The following DCUN1D2 variants were observed in gnomAD, a reference collection of about 807,000 sequenced individuals.
The protein encoded by DCUN1D2 is DCN1-like protein 2.
A neutral mutation model predicts 30.9 loss-of-function variants in DCUN1D2; 29 were observed. The ratio of observed to expected loss-of-function variants is 0.94; its 90% confidence interval spans 0.70 to 1.28. DCUN1D2 has a LOEUF of 1.28. Ranked by LOEUF, DCUN1D2 falls within the 50% of genes most tolerant of loss-of-function variation. DCUN1D2 has a pLI of 0.00. For missense variants in DCUN1D2, 325 were observed against 316.9 expected, an observed-to-expected ratio of 1.03 and a Z score of -0.19; for synonymous variants, 121 against 115.3, an observed-to-expected ratio of 1.05 and a Z score of -0.32.
chr13:113,478,801 A>T (rs2044659501), intron 3 of DCUN1D2: 1 of 152,148 alleles, frequency 6.6e-6, no homozygotes, highest in Non-Finnish European at 1.5e-5. Flanking sequence ...CATACTCTGT[A>T]TCATTTCAAA....
intron 4 of DCUN1D2, among the ~76,000 whole-genome samples, chr13:113,467,354 C>CATAT (rs2044423338): frequency 6.6e-6 from 1 of 152,140 alleles, no homozygotes; most frequent in Non-Finnish European, 1.5e-5. Flanking sequence ...CTATAATGTG[C>CATAT]ATATTGGAGG....
chr13:113,466,801 A>ATTTTTTTTTTTTTTTTTTTTTTTTTT (rs112063279), intron 4 of DCUN1D2, among the ~76,000 whole-genome samples: 1 of 109,798 alleles, frequency 9.1e-6, no homozygotes, highest in Non-Finnish European at 1.8e-5. Flanking sequence ...TGTCCTTTGG[A>ATTTTTTTTTTTTTTTTTTTTTTTTTT]TTTTTTTTTT....
At chr13:113,465,849 A>G (rs2044393694) in intron 4 of DCUN1D2, among the ~76,000 whole-genome samples, 1 of 149,374 alleles carries the variant, frequency 6.7e-6, no homozygotes, top group Non-Finnish European at 1.5e-5. Flanking sequence ...GTATGTATGT[A>G]TGTGTGTGTA....
intron 3 of DCUN1D2, chr13:113,475,368 A>G (rs1390833849): frequency 2.0e-5 from 3 of 152,258 alleles, no homozygotes; most frequent in Non-Finnish European, 2.9e-5. Context: ...TGCCTACAGA[A>G]CTGAGGACAG....
chr13:113,486,725 G>A (rs893583349), intron 1 of DCUN1D2, among the ~76,000 whole-genome samples: 9 of 152,192 alleles, frequency 5.9e-5, no homozygotes, highest in African/African-American at 2.2e-4. Flanking sequence ...TAAAATTTCA[G>A]GGGTTTCACA....
In DCUN1D2 at chr13:113,490,454, C is replaced by G; in HGVS notation, c.3+213G>C. The G allele has an allele frequency of 2.3e-6, 1 of 437,540 alleles. No homozygotes were observed. The highest frequency in any genetic ancestry group is 3.8e-6 in the Non-Finnish European group (1 of 266,314). 27.1% of individuals were successfully genotyped at this position (437,540 alleles called of 1,614,324 possible). A position where few individuals can be genotyped will look rare whatever the true frequency, so the allele number is the denominator to read the frequency against. On this transcript the variant is annotated intron_variant, in intron 1 of 6. Transcript: ENST00000478244. This position sits in a 1 kb window ranked among gnomAD's most constrained non-coding sequence, Gnocchi z 5.2. Reference sequence around the variant, plus strand: ...TCACTCCCGGTCGTCCCTCGCGGCTCCGGGTCAAACCCGCGCTCCCCGCGG... The same window carrying G: ...TCACTCCCGGTCGTCCCTCGCGGCTGCGGGTCAAACCCGCGCTCCCCGCGG...
Position 113,455,864 on chromosome 13 carries a change from C to T in DCUN1D2, c.*2165G>A. 1 of 191,294 alleles carries T rather than the reference C, an allele frequency of 5.2e-6. No homozygotes were observed. 11.8% of individuals were successfully genotyped at this position (191,294 alleles called of 1,614,324 possible). A position where few individuals can be genotyped will look rare whatever the true frequency, so the allele number is the denominator to read the frequency against. On this transcript the variant is annotated 3_prime_UTR_variant, in exon 7 of 7. Transcript: ENST00000478244. ...TGCTTCTGTTCTCAGCATTTCACAG[C>T]ATGCAGGACTCAAATGGATACAACA... is the stretch of plus-strand genomic sequence containing the variant.
chr13:113,457,960 AG>A lies in DCUN1D2; in HGVS notation c.*68del, dbSNP rs2044252454. The A allele has an allele frequency of 7.0e-7, 1 of 1,420,616 alleles. No homozygotes were observed. The highest frequency in any genetic ancestry group is 9.9e-7 in the Non-Finnish European group (1 of 1,005,210). The allele number at this position is 1,420,616 out of a possible 1,614,324, so 88.0% of individuals were successfully genotyped here. A position where few individuals can be genotyped will look rare whatever the true frequency, so the allele number is the denominator to read the frequency against. ...TTCTGGAATCAGCGACAATGCACCC[AG>A]GAACTGACTGCAATCTCCTTGCAGG... On this transcript the variant is annotated 3_prime_UTR_variant, in exon 7 of 7. Transcript: ENST00000478244.
In DCUN1D2 at chr13:113,457,967, G is replaced by T. The variant is rs748598514; in HGVS notation, c.*62C>A. 3.9e-5 allele frequency: 57 copies of T among 1,467,052 alleles called. No individual in the cohort carries two copies. The highest frequency in any genetic ancestry group is 6.7e-5 in the Admixed American group (4 of 59,754). The allele number at this position is 1,467,052 out of a possible 1,614,324, so 90.9% of individuals were successfully genotyped here. On this transcript the variant is annotated 3_prime_UTR_variant, in exon 7 of 7. Coordinates refer to ENST00000478244, the MANE Select transcript of DCUN1D2 (RefSeq NM_001014283.2). Reference sequence around the variant, plus strand: ...ATCAGCGACAATGCACCCAGGAACTGACTGCAATCTCCTTGCAGGATACAA... The same window carrying T: ...ATCAGCGACAATGCACCCAGGAACTTACTGCAATCTCCTTGCAGGATACAA...
chr13:113,463,355 T>A (rs373271871), intron 4 of DCUN1D2, among the ~76,000 whole-genome samples: 36 of 152,122 alleles, frequency 2.4e-4, no homozygotes, highest in African/African-American at 7.5e-4. Context: ...AGGGCAGACA[T>A]AAAAATTAGC....
intron 3 of DCUN1D2, among the ~76,000 whole-genome samples, chr13:113,477,869 T>C (rs1447904948): frequency 1.3e-5 from 2 of 152,212 alleles, no homozygotes; most frequent in Admixed American, 6.5e-5. Context: ...AACTCTGTCA[T>C]GATGTATCAT....
At chr13:113,481,188 G>A (rs2044701912) in intron 2 of DCUN1D2, among the ~76,000 whole-genome samples, 1 of 152,132 alleles carries the variant, frequency 6.6e-6, no homozygotes. Context: ...TTTTTCTTAA[G>A]TGATTTCATT....
chr13:113,466,539 G>C (rs2044405362), intron 4 of DCUN1D2, among the ~76,000 whole-genome samples: 1 of 152,224 alleles, frequency 6.6e-6, no homozygotes, highest in East Asian at 1.9e-4. Flanking sequence ...TAAATCTTCA[G>C]TGCCTTTAGA....
intron 4 of DCUN1D2, among the ~76,000 whole-genome samples, chr13:113,471,678 A>T (rs2044518130): frequency 6.6e-6 from 1 of 152,256 alleles, no homozygotes; most frequent in African/African-American, 2.4e-5. Context: ...GCAACTTATA[A>T]GACCAAGAAG....
Position 113,490,477 on chromosome 13 carries a change from CG to C in DCUN1D2, c.3+189del. 1 of 553,480 alleles carries C rather than the reference CG, an allele frequency of 1.8e-6. No individual in the cohort carries two copies. Among genetic ancestry groups the C allele is most frequent in the Non-Finnish European group, 2.7e-6 (1 of 370,700 alleles). 34.3% of individuals were successfully genotyped at this position (553,480 alleles called of 1,614,324 possible). A position where few individuals can be genotyped will look rare whatever the true frequency, so the allele number is the denominator to read the frequency against. ...CTCCGGGTCAAACCCGCGCTCCCCGCGGTCCCGCGCCTCCGACGCCACCGCT... is the reference window on the plus strand; with the variant it reads ...CTCCGGGTCAAACCCGCGCTCCCCGCGTCCCGCGCCTCCGACGCCACCGCT... On this transcript the variant is annotated intron_variant, in intron 1 of 6. Transcript: ENST00000478244. The surrounding 1 kb of genome is among the most constrained non-coding windows in gnomAD (Gnocchi z 5.2).
rs576100620 is a variant in DCUN1D2 at position 113,490,615 on chromosome 13, GCCCGACCCCGAC to G, written c.3+40_3+51del. On this transcript the variant is annotated intron_variant, in intron 1 of 6. Transcript: ENST00000478244. This position sits in a 1 kb window ranked among gnomAD's most constrained non-coding sequence, Gnocchi z 5.2. The stretch of plus-strand genomic sequence containing the variant: ...GCGCGCCGCCTGCGCCGACCTTGGG[GCCCGACCCCGAC>G]CCCGACCCCGACGGGCAGAGGCGAC... 2,365 of 1,221,066 alleles carry G rather than the reference GCCCGACCCCGAC, an allele frequency of 1.9e-3. 8 individuals are homozygous for G. Among genetic ancestry groups the G allele is most frequent in the Non-Finnish European group, 2.2e-3 (2,155 of 980,924 alleles). 75.6% of individuals were successfully genotyped at this position (1,221,066 alleles called of 1,614,324 possible).
chr13:113,469,851 A>G (rs1229169411), intron 4 of DCUN1D2, among the ~76,000 whole-genome samples: 2 of 152,046 alleles, frequency 1.3e-5, no homozygotes, highest in Non-Finnish European at 2.9e-5. Context: ...AATAAATCAA[A>G]AACTTTTTTT....
chr13:113,487,343 A>G (rs1437675086), intron 1 of DCUN1D2, among the ~76,000 whole-genome samples: 3 of 152,240 alleles, frequency 2.0e-5, no homozygotes, highest in Non-Finnish European at 2.9e-5. Flanking sequence ...TGGTTATACA[A>G]CAACATTTAC....
In DCUN1D2 at chr13:113,485,681, C is replaced by G. The variant is rs374616834; in HGVS notation, c.4-1625G>C. Among the ~76,000 whole-genome samples the G allele has an allele frequency of 2.9e-4, 44 of 151,624 alleles. No homozygotes were observed. In the South Asian group the frequency reaches 8.7e-3, roughly 30 times the overall value. ...TTTTTTTTTTTTTGAGACAGGCAATCAAAAAGCATGCTGATGCCAAAATAC... is the reference window on the plus strand; with the variant it reads ...TTTTTTTTTTTTTGAGACAGGCAATGAAAAAGCATGCTGATGCCAAAATAC... On this transcript the variant is annotated intron_variant, in intron 1 of 6. Transcript: ENST00000478244.
Sources: gnomAD v4.1 joint callset for allele counts (sites outside exome capture counted in the v4.1 genomes callset) on GRCh38, gnomAD v4.1.1 for gene constraint, Gnocchi (gnomAD v3.1) non-coding constraint, MANE v1.5 for transcripts, NCBI Gene and HGNC (gene_info 2026-07-23, HGNC 2026-07-21) for gene names.